The following FCHO2 variants were observed in gnomAD, a reference collection of about 807,000 sequenced individuals.
FCHO2 encodes F-BAR domain only protein 2.
FCHO2 carries 43 observed loss-of-function variants against 114.1 expected under a neutral mutation model. The observed-to-expected ratio is 0.38, with a 90% confidence interval of 0.30 to 0.49. The LOEUF is 0.49. FCHO2 is among the 20% of genes least tolerant of loss of function. The pLI is 0.97. For missense variants in FCHO2, 807 were observed against 950.4 expected, an observed-to-expected ratio of 0.85 and a Z score of 1.98; for synonymous variants, 293 against 315.2, an observed-to-expected ratio of 0.93 and a Z score of 0.75.
intron 11 of FCHO2, among the ~76,000 whole-genome samples, chr5:73,044,140 G>T (rs916076488): frequency 9.2e-5 from 14 of 152,294 alleles, no homozygotes; most frequent in African/African-American, 3.4e-4. Context: ...CGCCATGATT[G>T]TAAGTTTCCT....
rs779607911 is a variant in FCHO2, at chr5:72,968,545, T to C, written c.81T>C (p.His27=). ...GFDVLYHNMK[H]GQISTKELAD... is the part of the protein sequence containing the mutation. ...ATGTCCTCTACCATAATATGAAACA[T>C]GGACAGATATCAACAAAAGAACTAG... The change falls in exon 2 of 26, where the codon CAT becomes CAC. Residue 27 remains histidine (H), a synonymous_variant. Coordinates refer to ENST00000430046, the MANE Select transcript of FCHO2 (RefSeq NM_138782.3). The C allele has an allele frequency of 6.5e-6, 10 of 1,549,134 alleles. No individual in the cohort carries two copies. In the East Asian group the frequency reaches 1.9e-4, roughly 30 times the overall value.
rs150612951 is a variant in FCHO2, at chr5:73,054,352, T to C, written c.1186-173T>C. 5.4e-4 allele frequency among the ~76,000 whole-genome samples: 82 copies of C among 152,296 alleles called. 1 individual carries two copies. Among genetic ancestry groups the C allele is most frequent in the African/African-American group, 1.9e-3 (79 of 41,584 alleles). ...TAAAACTACATGTATTATTTTTTGCTGTAAAACAAAAACTACTGTTTTTTC... is the reference window on the plus strand; with the variant it reads ...TAAAACTACATGTATTATTTTTTGCCGTAAAACAAAAACTACTGTTTTTTC... On this transcript the variant is annotated intron_variant, in intron 14 of 25. Coordinates refer to ENST00000430046, the MANE Select transcript of FCHO2 (RefSeq NM_138782.3).
At position 72,989,546 on chromosome 5, in the gene FCHO2, T is replaced by G. The variant is rs199818912; in HGVS notation, c.200+45T>G. 14 of 1,479,934 alleles carry G rather than the reference T, an allele frequency of 9.5e-6. No individual in the cohort carries two copies. The East Asian group carries it at 2.6e-4, about 28-fold the overall frequency. The allele number at this position is 1,479,934 out of a possible 1,614,324, so 91.7% of individuals were successfully genotyped here. ...TTTTTCAGTGTTTATTTAGGCAAAG[T>G]TCTTAAGGATTCTAGGTTCCTTTTG... On this transcript the variant is annotated intron_variant, in intron 3 of 25. Coordinates refer to ENST00000430046, the MANE Select transcript of FCHO2 (RefSeq NM_138782.3).
At chr5:73,039,631 G>A (rs1321595050) in intron 10 of FCHO2, among the ~76,000 whole-genome samples, 1 of 152,108 alleles carries the variant, frequency 6.6e-6, no homozygotes, top group Admixed American at 6.5e-5. Context: ...TAAGTGGATA[G>A]AAAGTCACCT....
intron 2 of FCHO2, among the ~76,000 whole-genome samples, chr5:72,976,737 A>AG: frequency 6.6e-6 from 1 of 152,060 alleles, no homozygotes; most frequent in Non-Finnish European, 1.5e-5. Context: ...CCTGTCATCC[A>AG]CATTAGGTCT....
chr5:73,040,037 A>G (rs552557258), intron 10 of FCHO2, among the ~76,000 whole-genome samples: 2 of 151,498 alleles, frequency 1.3e-5, no homozygotes, highest in East Asian at 1.9e-4. Flanking sequence ...CAATGTAGTC[A>G]TCTTCCTCCT....
At chr5:72,967,722 C>T (rs929916196) in intron 1 of FCHO2, among the ~76,000 whole-genome samples, 2 of 152,222 alleles carry the variant, frequency 1.3e-5, no homozygotes, top group African/African-American at 4.8e-5. Context: ...CGGGTTCAAG[C>T]GATTCTCCTG....
At chr5:73,043,488 G>A (rs1756908944) in intron 11 of FCHO2, among the ~76,000 whole-genome samples, 1 of 151,926 alleles carries the variant, frequency 6.6e-6, no homozygotes, top group African/African-American at 2.4e-5. Flanking sequence ...ATATATGTTT[G>A]TACACATGCA....
intron 8 of FCHO2, among the ~76,000 whole-genome samples, chr5:73,032,858 A>G (rs1482440304): frequency 6.6e-6 from 1 of 152,160 alleles, no homozygotes; most frequent in Non-Finnish European, 1.5e-5. Context: ...TTCTTGTCTC[A>G]ACAGACGATT....
chr5:73,074,918 C>G (rs7732230), intron 20 of FCHO2, 65 bp downstream of exon 20: 1 of 1,265,636 alleles, frequency 7.9e-7, no homozygotes, highest in Non-Finnish European at 1.1e-6. Context: ...GGTGGTGGGG[C>G]TTGGTGGTAA....
chr5:73,076,540 A>G (rs1742917320), intron 20 of FCHO2, among the ~76,000 whole-genome samples: 1 of 152,226 alleles, frequency 6.6e-6, no homozygotes, highest in Non-Finnish European at 1.5e-5. Flanking sequence ...GGGAACAATC[A>G]CATGAATGAA....
At chr5:72,996,212 C>T (rs993872706) in intron 5 of FCHO2, among the ~76,000 whole-genome samples, 5 of 129,458 alleles carry the variant, frequency 3.9e-5, no homozygotes, top group African/African-American at 1.1e-4. Context: ...CACTGCAGTC[C>T]AGCCTGGGCA....
intron 5 of FCHO2, among the ~76,000 whole-genome samples, chr5:73,004,884 C>T (rs1291421123): frequency 6.6e-6 from 1 of 152,106 alleles, no homozygotes; most frequent in Non-Finnish European, 1.5e-5. Context: ...ATAAATTAAA[C>T]TTTATCATAG....
At chr5:73,084,719 G>A (rs1207684460) in intron 24 of FCHO2, among the ~76,000 whole-genome samples, 1 of 152,126 alleles carries the variant, frequency 6.6e-6, no homozygotes, top group Non-Finnish European at 1.5e-5. Context: ...TGTCTGTGTT[G>A]TTTATTCATT....
chr5:72,965,449 T>C (rs1580001988), intron 1 of FCHO2, among the ~76,000 whole-genome samples: 1 of 152,240 alleles, frequency 6.6e-6, no homozygotes, highest in Non-Finnish European at 1.5e-5. Context: ...AAAAAGATAC[T>C]GATAGACTTG....
chr5:73,077,582 C>A (rs1055339491), intron 21 of FCHO2, 89 bp downstream of exon 21: 1 of 1,374,180 alleles, frequency 7.3e-7, no homozygotes, highest in Non-Finnish European at 9.7e-7. Context: ...GTAATCCCAG[C>A]AGTTTGGGAG....
At chr5:73,028,114 G>C (rs1012891936) in intron 8 of FCHO2, among the ~76,000 whole-genome samples, 1 of 152,136 alleles carries the variant, frequency 6.6e-6, no homozygotes, top group Admixed American at 6.5e-5. Context: ...AGTATGGCTT[G>C]AGCCCAGGAG....
intron 6 of FCHO2, among the ~76,000 whole-genome samples, chr5:73,008,847 A>G (rs1754851649): frequency 1.3e-5 from 2 of 152,246 alleles, no homozygotes; most frequent in East Asian, 1.9e-4. Flanking sequence ...TGAATGAGGT[A>G]TATGGCATTC....
At chr5:73,023,579 A>G (rs188458841) in intron 8 of FCHO2, among the ~76,000 whole-genome samples, 1 of 152,214 alleles carries the variant, frequency 6.6e-6, no homozygotes, top group African/African-American at 2.4e-5. Context: ...GTGTACCTGT[A>G]ATCCCAGCTA....
Sources: gnomAD v4.1 joint callset for allele counts (sites outside exome capture counted in the v4.1 genomes callset) on GRCh38, gnomAD v4.1.1 for gene constraint, MANE v1.5 for transcripts, NCBI Gene and HGNC (gene_info 2026-07-23, HGNC 2026-07-21) for gene names.